Variants in GRIA4 observed in about 807,000 individuals in gnomAD.
The protein encoded by GRIA4 is glutamate ionotropic receptor AMPA type subunit 4, also known as glutamate receptor 4.
GRIA4 carries 34 observed loss-of-function variants against 104.0 expected under a neutral mutation model. The ratio of observed to expected loss-of-function variants is 0.33; its 90% CI spans 0.25 to 0.44. The LOEUF (loss-of-function observed/expected upper bound fraction) is 0.44, where lower values mean the gene tolerates loss of function less well. Among genes scored for constraint, GRIA4 ranks in the 20% least tolerant of loss-of-function variants. The pLI is 1.00. For missense variants in GRIA4, 750 were observed against 1,096.5 expected (o/e 0.68, Z 4.46); for synonymous variants, 386 against 381.9 (o/e 1.01, Z -0.13).
intron 3 of GRIA4, among the ~76,000 whole-genome samples, chr11:105,644,448 A>T (rs1182593866): frequency 6.6e-6 from 1 of 151,756 alleles, no homozygotes; most frequent in South Asian, 2.1e-4. Context: ...AAAAAAAAAA[A>T]AAAAAATTAG....
chr11:105,805,598 A>T (rs1942921120), intron 4 of GRIA4, among the ~76,000 whole-genome samples: 1 of 151,874 alleles, frequency 6.6e-6, no homozygotes. Flanking sequence ...TAAATGACTG[A>T]ATTAGCATAA....
At chr11:105,910,755 G>A (rs1191822984) in intron 10 of GRIA4, among the ~76,000 whole-genome samples, 3 of 151,612 alleles carry the variant, frequency 2.0e-5, no homozygotes, top group African/African-American at 7.3e-5. Flanking sequence ...TTGTCACATT[G>A]TTGTTCTTGG....
At chr11:105,646,019 C>G (rs1388136681) in intron 3 of GRIA4, among the ~76,000 whole-genome samples, 2 of 152,234 alleles carry the variant, frequency 1.3e-5, no homozygotes, top group Non-Finnish European at 2.9e-5. Context: ...TCAGTATGGT[C>G]TTTGACATTT....
intron 3 of GRIA4, among the ~76,000 whole-genome samples, chr11:105,691,829 G>T (rs1309777579): frequency 5.3e-5 from 8 of 151,308 alleles, no homozygotes; most frequent in East Asian, 3.9e-4. Context: ...CAGCTACTTG[G>T]GAGGCTGAGG....
chr11:105,623,260 C>T lies in GRIA4; in HGVS notation c.247+10826C>T, dbSNP rs534860936. Reference sequence around the variant, plus strand: ...GGGATTGCTGGATCAAAGGGTAGTACTATTTTTAGTTCTCAGACTGAAAGT... The same window carrying T: ...GGGATTGCTGGATCAAAGGGTAGTATTATTTTTAGTTCTCAGACTGAAAGT... On this transcript the variant is annotated intron_variant, in intron 3 of 16. Transcript: ENST00000282499. 7.2e-5 allele frequency among the ~76,000 whole-genome samples: 11 copies of T among 151,786 alleles called. No homozygotes were observed. The East Asian group carries it at 1.7e-3, about 24-fold the overall frequency.
At chr11:105,884,485 G>T (rs554370904) in intron 5 of GRIA4, among the ~76,000 whole-genome samples, 1 of 152,300 alleles carries the variant, frequency 6.6e-6, no homozygotes, top group South Asian at 2.1e-4. Context: ...ATTGTAAATC[G>T]AATTTTTTCA....
rs1205606261 is a variant in GRIA4, at chr11:105,972,015, A to T, written c.2396A>T (p.Asp799Val). Reference protein sequence around the residue: ...WYDKGECGPKDSGSKDKTSAL... With the variant: ...WYDKGECGPKVSGSKDKTSAL... ...GATAAAGGTGAATGTGGACCCAAGG[A>T]CTCTGGAAGCAAGGTCAGTCGCTGC... The change falls in exon 15 of 17, where the codon GAC becomes GTC. Residue 799 changes from aspartate (D) to valine (V), a missense_variant. By Grantham distance (152) the Asp-to-Val change is radical. Around this residue, in one of 3 missense-constraint regions of GRIA4, gnomAD observed 272 missense variants for 524.5 expected, o/e 0.52. Coordinates refer to ENST00000282499, the MANE Select transcript of GRIA4 (RefSeq NM_000829.4). The T allele has an allele frequency of 6.2e-7, 1 of 1,609,620 alleles. No homozygotes were observed. Among genetic ancestry groups the T allele is most frequent in the Non-Finnish European group, 8.5e-7 (1 of 1,176,346 alleles).
At chr11:105,789,285 T>C (rs1000310368) in intron 4 of GRIA4, among the ~76,000 whole-genome samples, 6 of 152,136 alleles carry the variant, frequency 3.9e-5, no homozygotes, top group African/African-American at 1.2e-4. Flanking sequence ...GCCATTGGAA[T>C]TGCAATTATA....
intron 10 of GRIA4, chr11:105,913,077 T>C (rs1348867463): frequency 3.6e-6 from 3 of 836,850 alleles, no homozygotes; most frequent in Admixed American, 6.2e-5. Context: ...TAACACTATA[T>C]GCTATTGCTA....
At chr11:105,783,216 G>A (rs58685674) in intron 4 of GRIA4, among the ~76,000 whole-genome samples, 13,426 of 152,056 alleles carry the variant, frequency 0.088, 1,435 homozygotes, top group African/African-American at 0.25. Flanking sequence ...CTGTCAAGGA[G>A]GAAAAGAAAA....
intron 3 of GRIA4, among the ~76,000 whole-genome samples, chr11:105,680,612 A>G (rs372625822): frequency 3.9e-4 from 59 of 152,072 alleles, no homozygotes; most frequent in African/African-American, 1.4e-3. Context: ...TCCAAATATG[A>G]CTGTGGTCTG....
chr11:105,912,021 A>G (rs1321352699), intron 10 of GRIA4: 2 of 1,248,152 alleles, frequency 1.6e-6, no homozygotes, highest in Non-Finnish European at 2.1e-6. Flanking sequence ...TTCTTGGATG[A>G]CCAACTCTGG....
At chr11:105,634,489 GAA>G (rs1203144391) in intron 3 of GRIA4, among the ~76,000 whole-genome samples, 25 of 63,616 alleles carry the variant, frequency 3.9e-4, no homozygotes, top group African/African-American at 1.1e-3. Flanking sequence ...AAGAAAGAAA[GAA>G]AGAAAGAAAG....
At chr11:105,610,880 T>TTTTTTTGG in intron 1 of GRIA4, 28 bp from the exon 2 acceptor site, 14 of 477,538 alleles carry the variant, frequency 2.9e-5, no homozygotes, top group East Asian at 1.0e-4. Flanking sequence ...CTTTTTTTTT[T>TTTTTTTGG]TTTTTTTTTG....
At chr11:105,774,150 C>G (rs920500092) in intron 4 of GRIA4, among the ~76,000 whole-genome samples, 1 of 150,228 alleles carries the variant, frequency 6.7e-6, no homozygotes, top group Non-Finnish European at 1.5e-5. Flanking sequence ...TAAATATATG[C>G]TAATAGCAAA....
intron 4 of GRIA4, among the ~76,000 whole-genome samples, chr11:105,841,992 T>A (rs1423903344): frequency 1.3e-5 from 2 of 152,196 alleles, no homozygotes; most frequent in Non-Finnish European, 2.9e-5. Flanking sequence ...GGGTGTTTTT[T>A]AATTTTTTAA....
At chr11:105,610,012 G>C (rs1183591845), upstream of GRIA4, 1 of 152,854 alleles carries the variant, frequency 6.5e-6, no homozygotes, top group Admixed American at 6.5e-5. Context: ...CAGATTCCCG[G>C]GCTGTTTGCT....
intron 14 of GRIA4, among the ~76,000 whole-genome samples, chr11:105,957,874 T>A (rs1314138126): frequency 6.6e-6 from 1 of 152,206 alleles, no homozygotes; most frequent in Non-Finnish European, 1.5e-5. Flanking sequence ...TTTGAAGCAA[T>A]TGTGAATGGG....
chr11:105,638,525 C>T (rs968946246), intron 3 of GRIA4, among the ~76,000 whole-genome samples: 5 of 132,534 alleles, frequency 3.8e-5, no homozygotes, highest in African/African-American at 1.1e-4. Context: ...CTGTGCCTTA[C>T]GAGGTGCGCG....
Sources: gnomAD v4.1 joint callset for allele counts (sites outside exome capture counted in the v4.1 genomes callset) on GRCh38, gnomAD v4.1.1 for gene constraint, gnomAD v4.1.1 regional missense constraint, MANE v1.5 for transcripts, NCBI Gene and HGNC (gene_info 2026-07-23, HGNC 2026-07-21) for gene names.